CNTN4: variants seen among roughly 807,000 people sequenced by gnomAD.
CNTN4 encodes contactin-4.
CNTN4 carries 77 observed loss-of-function variants against 122.5 expected under a neutral mutation model. That is an observed-to-expected ratio of 0.63 (90% CI 0.52 to 0.76). The LOEUF is 0.76. Among genes scored for constraint, CNTN4 ranks in the 30% least tolerant of loss-of-function variants. The pLI, the probability that CNTN4 is intolerant of heterozygous loss-of-function variation, is 0.00. For synonymous variants in CNTN4, 512 were observed against 447.0 expected, an observed-to-expected ratio of 1.15 and a Z score of -1.83; for missense variants, 1,256 against 1,259.1, an observed-to-expected ratio of 1.00 and a Z score of 0.04.
At chr3:2,380,772 C>G (rs1575504791) in intron 3 of CNTN4, among the ~76,000 whole-genome samples, 1 of 151,426 alleles carries the variant, frequency 6.6e-6, no homozygotes, top group East Asian at 1.9e-4. Context: ...GAGTTTGTAG[C>G]TTCATTTGCA....
chr3:2,556,044 A>G (rs1224351284), intron 3 of CNTN4, among the ~76,000 whole-genome samples: 3 of 152,198 alleles, frequency 2.0e-5, no homozygotes, highest in Admixed American at 2.0e-4. Flanking sequence ...CCCTGAAACC[A>G]TCTGTTTGCT....
intron 23 of CNTN4, among the ~76,000 whole-genome samples, chr3:3,050,073 T>G (rs1559837620): frequency 1.3e-5 from 2 of 152,166 alleles, no homozygotes; most frequent in African/African-American, 4.8e-5. Context: ...CAGTGCTAAT[T>G]CCATCTGTGA....
chr3:2,537,437 C>T (rs1048803212), intron 3 of CNTN4, among the ~76,000 whole-genome samples: 1 of 152,052 alleles, frequency 6.6e-6, no homozygotes, highest in African/African-American at 2.4e-5. Flanking sequence ...CGTTTGTCAC[C>T]AGGATACTTT....
intron 3 of CNTN4, among the ~76,000 whole-genome samples, chr3:2,446,261 C>T (rs532468983): frequency 7.2e-5 from 11 of 152,190 alleles, no homozygotes; most frequent in South Asian, 2.1e-4. Flanking sequence ...TTAGAGAGAA[C>T]GTGGGTTCTT....
intron 4 of CNTN4, among the ~76,000 whole-genome samples, chr3:2,672,475 A>T (rs553854436): frequency 6.6e-6 from 1 of 152,256 alleles, no homozygotes; most frequent in East Asian, 1.9e-4. Flanking sequence ...GTGCAGTATT[A>T]GGGTGGGAGT....
chr3:2,723,335 G>C (rs1181145219), intron 4 of CNTN4, among the ~76,000 whole-genome samples: 3 of 152,126 alleles, frequency 2.0e-5, no homozygotes, highest in Non-Finnish European at 4.4e-5. Context: ...CATTTAATAT[G>C]CCATTTTACT....
chr3:2,965,336 C>A (rs1441892176), intron 13 of CNTN4, among the ~76,000 whole-genome samples: 1 of 152,158 alleles, frequency 6.6e-6, no homozygotes, highest in Non-Finnish European at 1.5e-5. Flanking sequence ...TTCAGGTTTT[C>A]TCTTGTCTAG....
chr3:3,028,734 A>T (rs964931932), intron 15 of CNTN4, among the ~76,000 whole-genome samples: 1 of 152,188 alleles, frequency 6.6e-6, no homozygotes, highest in East Asian at 1.9e-4. Flanking sequence ...CTTAATAATG[A>T]TGATGATAAT....
chr3:2,159,487 T>G (rs958899606), intron 2 of CNTN4, among the ~76,000 whole-genome samples: 2 of 152,202 alleles, frequency 1.3e-5, no homozygotes, highest in Non-Finnish European at 2.9e-5. Flanking sequence ...CAGGGGTCTC[T>G]GAGCATTGGG....
At chr3:2,834,504 T>C (rs2093173072) in intron 7 of CNTN4, among the ~76,000 whole-genome samples, 1 of 151,854 alleles carries the variant, frequency 6.6e-6, no homozygotes, top group African/African-American at 2.4e-5. Context: ...CAGGCGAAGT[T>C]TGCAGTGAGC....
At chr3:2,488,240 G>A (rs1375059412) in intron 3 of CNTN4, among the ~76,000 whole-genome samples, 3 of 152,316 alleles carry the variant, frequency 2.0e-5, no homozygotes, top group Non-Finnish European at 4.4e-5. Flanking sequence ...TGTACAGCAA[G>A]TCCTCAAATA....
At chr3:2,534,444 G>C (rs1235693904) in intron 3 of CNTN4, among the ~76,000 whole-genome samples, 4 of 152,108 alleles carry the variant, frequency 2.6e-5, no homozygotes, top group Admixed American at 1.3e-4. Flanking sequence ...TATTCCATTA[G>C]TCTATATCTT....
At chr3:2,472,489 T>A (rs1254608431) in intron 3 of CNTN4, among the ~76,000 whole-genome samples, 1 of 152,180 alleles carries the variant, frequency 6.6e-6, no homozygotes. Flanking sequence ...TCCACCTGCC[T>A]CGGCGTCCCA....
chr3:2,099,316 A>G (rs2031691512), intron 1 of CNTN4: 1 of 152,426 alleles, frequency 6.6e-6, no homozygotes, highest in African/African-American at 2.4e-5. Flanking sequence ...CCACAAAACA[A>G]GGAACCGAGA....
At chr3:2,743,673 G>A (rs753124700) in intron 5 of CNTN4, among the ~76,000 whole-genome samples, 7 of 152,220 alleles carry the variant, frequency 4.6e-5, no homozygotes, top group Non-Finnish European at 7.3e-5. Context: ...AGCACAATGA[G>A]AGTGTTAGAT....
chr3:2,262,577 A>T (rs1404140493), intron 2 of CNTN4: 2 of 148,656 alleles, frequency 1.3e-5, no homozygotes, highest in Non-Finnish European at 3.0e-5. Flanking sequence ...TGGATTTTTG[A>T]GGTTCACAAA....
intron 13 of CNTN4, among the ~76,000 whole-genome samples, chr3:2,972,942 G>A (rs1693073119): frequency 6.6e-6 from 1 of 151,418 alleles, no homozygotes; most frequent in Admixed American, 6.6e-5. Flanking sequence ...CTCTTTTTCG[G>A]TCATCAACTT....
At chr3:2,661,752 C>T (rs1030528356) in intron 4 of CNTN4, among the ~76,000 whole-genome samples, 32 of 131,988 alleles carry the variant, frequency 2.4e-4, no homozygotes, top group African/African-American at 7.8e-4. Flanking sequence ...GCAGAGGTTG[C>T]GGTGAACCGA....
At chr3:2,269,777 A>G (rs562412719) in intron 2 of CNTN4, among the ~76,000 whole-genome samples, 3 of 152,252 alleles carry the variant, frequency 2.0e-5, no homozygotes, top group South Asian at 4.1e-4. Context: ...ATTTATAAAA[A>G]ACGATGAAAT....
Sources: gnomAD v4.1 joint callset for allele counts (sites outside exome capture counted in the v4.1 genomes callset) on GRCh38, gnomAD v4.1.1 for gene constraint, MANE v1.5 for transcripts, NCBI Gene and HGNC (gene_info 2026-07-23, HGNC 2026-07-21) for gene names.